Variants in ENPP2 observed in about 807,000 individuals in gnomAD.
ENPP2 encodes autotaxin.
ENPP2 carries 51 observed loss-of-function variants against 120.2 expected under a neutral mutation model. The ratio of observed to expected loss-of-function variants is 0.42; its 90% CI spans 0.34 to 0.54. The LOEUF (loss-of-function observed/expected upper bound fraction) is 0.54, where lower values mean the gene tolerates loss of function less well. Ranked by LOEUF, ENPP2 falls within the 20% of genes least tolerant of loss-of-function variation. The probability of loss-of-function intolerance (pLI) is 0.04; values close to 1 mark genes in which losing one functional copy is unlikely to be tolerated. For missense variants in ENPP2, 920 were observed against 1,066.5 expected (o/e 0.86, Z 1.91); for synonymous variants, 365 against 366.4 (o/e 1.00, Z 0.04).
At chr8:119,567,328 CA>C (rs1814548499) in intron 22 of ENPP2, among the ~76,000 whole-genome samples, 1 of 152,052 alleles carries the variant, frequency 6.6e-6, no homozygotes, top group African/African-American at 2.4e-5. Flanking sequence ...TTAACAGAAA[CA>C]AAAAATGCAG....
rs904655845 is a variant in ENPP2 at position 119,592,791 on chromosome 8, A to AG, written c.1081+960dup. 7.3e-4 allele frequency: 111 copies of AG among 151,590 alleles called. 3 individuals are homozygous for AG. The Admixed American group carries it at 7.6e-3, about 10-fold the overall frequency. 9.4% of individuals were successfully genotyped at this position (151,590 alleles called of 1,614,324 possible). A position where few individuals can be genotyped will look rare whatever the true frequency, so the allele number is the denominator to read the frequency against. ...CATGACTTCGCAAAGGGTTATATCT[A>AG]GCCCACTCAAGAGGAGAAAGCTAAT... On this transcript the variant is annotated intron_variant, in intron 12 of 24. Transcript: ENST00000075322.
chr8:119,568,282 T>C, intron 21 of ENPP2, 30 bp from the exon 22 acceptor site: 1 of 1,281,408 alleles, frequency 7.8e-7, no homozygotes, highest in Non-Finnish European at 1.1e-6. Flanking sequence ...ATAGTATACG[T>C]TGCTTACCAA....
At chr8:119,659,022 C>T (rs368559441) in intron 1 of ENPP2, among the ~76,000 whole-genome samples, 1 of 152,160 alleles carries the variant, frequency 6.6e-6, no homozygotes, top group African/African-American at 2.4e-5. Context: ...GCACCCAAGA[C>T]CAGACTTCTT....
chr8:119,572,346 C>T (rs1815069567), intron 19 of ENPP2: 1 of 910,426 alleles, frequency 1.1e-6, no homozygotes, highest in African/African-American at 1.7e-5. Context: ...AACTCAAATT[C>T]AAGCTTGGCA....
intron 2 of ENPP2, among the ~76,000 whole-genome samples, chr8:119,637,179 T>C (rs1817050909): frequency 6.6e-6 from 1 of 152,148 alleles, no homozygotes; most frequent in Non-Finnish European, 1.5e-5. Flanking sequence ...TCAGTGTTAA[T>C]GGGAGTGAAA....
intron 9 of ENPP2, among the ~76,000 whole-genome samples, chr8:119,606,153 A>G (rs1814704523): frequency 6.6e-6 from 1 of 152,112 alleles, no homozygotes; most frequent in Non-Finnish European, 1.5e-5. Context: ...GTGTGATCCT[A>G]TTTTTTTAAA....
upstream of ENPP2, chr8:119,638,988 C>T (rs1466053682): frequency 4.9e-6 from 3 of 609,952 alleles, no homozygotes; most frequent in Non-Finnish European, 5.8e-6. Context: ...TATCATCCCC[C>T]TTATCCCCGC....
intron 1 of ENPP2, among the ~76,000 whole-genome samples, chr8:119,655,787 G>A (rs967641288): frequency 1.8e-4 from 28 of 152,138 alleles, no homozygotes; most frequent in African/African-American, 6.5e-4. Flanking sequence ...TACCTAGCAC[G>A]GGACAGATTC....
chr8:119,639,730 A>T (rs1817210179), upstream of ENPP2, among the ~76,000 whole-genome samples: 1 of 152,202 alleles, frequency 6.6e-6, no homozygotes, highest in South Asian at 2.1e-4. Flanking sequence ...AATGTCAAGA[A>T]TTGTTTCCCT....
rs189645585 is a variant in ENPP2, at chr8:119,632,278, C to T, written c.137-5558G>A. On this transcript the variant is annotated intron_variant, in intron 2 of 24. Coordinates refer to ENST00000075322, the MANE Select transcript of ENPP2 (RefSeq NM_001040092.3). ...AATTTTTCATCATTACTGAGATGGC[C>T]GTAACAGCGCAGAAAACAACTAAAA... is the stretch of plus-strand genomic sequence containing the variant. 3.3e-5 allele frequency among the ~76,000 whole-genome samples: 5 copies of T among 152,186 alleles called. No homozygotes were observed. The East Asian group carries it at 9.7e-4, about 29-fold the overall frequency.
upstream of ENPP2, among the ~76,000 whole-genome samples, chr8:119,643,385 A>G (rs376684186): frequency 6.6e-6 from 1 of 152,226 alleles, no homozygotes; most frequent in East Asian, 1.9e-4. Context: ...TTTTATGGGT[A>G]GTCTATGGTC....
chr8:119,569,462 CTGAT>C, intron 20 of ENPP2, 92 bp from the exon 21 acceptor site: 1 of 1,186,578 alleles, frequency 8.4e-7, no homozygotes, highest in African/African-American at 1.5e-5. Flanking sequence ...TGCTTGTATT[CTGAT>C]TGATAGTCTG....
intron 9 of ENPP2, among the ~76,000 whole-genome samples, chr8:119,604,685 G>A (rs900109828): frequency 2.0e-5 from 3 of 152,148 alleles, no homozygotes; most frequent in African/African-American, 7.2e-5. Flanking sequence ...TGTTGAAAGA[G>A]AGAATGTGAA....
At chr8:119,626,798 G>A (rs1360369913) in intron 2 of ENPP2, 78 bp from the exon 3 acceptor site, 7 of 1,303,504 alleles carry the variant, frequency 5.4e-6, no homozygotes, top group Non-Finnish European at 6.6e-6. Flanking sequence ...GGGAAGCTGT[G>A]CGGTGTGATG....
At chr8:119,564,982 C>A in intron 22 of ENPP2, 27 bp from the exon 23 acceptor site, 2 of 1,603,744 alleles carry the variant, frequency 1.2e-6, no homozygotes, top group South Asian at 2.2e-5. Flanking sequence ...ATCCAAAAAT[C>A]AATTATTCAT....
intron 19 of ENPP2, among the ~76,000 whole-genome samples, chr8:119,577,251 C>G (rs1407718123): frequency 6.6e-6 from 1 of 152,186 alleles, no homozygotes; most frequent in Non-Finnish European, 1.5e-5. Context: ...TTACAAACTA[C>G]TTTAAAAGCC....
intron 1 of ENPP2, among the ~76,000 whole-genome samples, chr8:119,654,829 C>T (rs1002266973): frequency 6.6e-6 from 1 of 152,186 alleles, no homozygotes; most frequent in African/African-American, 2.4e-5. Flanking sequence ...TATACAACAT[C>T]TAAGCTTCTT....
rs138110458 is a variant in ENPP2, at chr8:119,646,214, C to A, written c.22-7687G>T. 7.8e-3 allele frequency among the ~76,000 whole-genome samples: 1,180 copies of A among 152,146 alleles called. 18 individuals are homozygous for A. The highest frequency in any genetic ancestry group is 0.027 in the African/African-American group (1,117 of 41,496). On this transcript the variant is annotated intron_variant, in intron 1 of 25. Coordinates refer to the ENPP2 transcript ENST00000427067. ...TCGATCTCCTGACCTCGTGATCCAC[C>A]CACCTCGGCCTCCCAAAGTTCTGGG...
chr8:119,641,070 G>A (rs1031165184), upstream of ENPP2, among the ~76,000 whole-genome samples: 2 of 152,056 alleles, frequency 1.3e-5, no homozygotes, highest in African/African-American at 2.4e-5. Flanking sequence ...TCTGTTAACC[G>A]TTCTGCCAAA....
Sources: gnomAD v4.1 joint callset for allele counts (sites outside exome capture counted in the v4.1 genomes callset) on GRCh38, gnomAD v4.1.1 for gene constraint, MANE v1.5 for transcripts, NCBI Gene and HGNC (gene_info 2026-07-23, HGNC 2026-07-21) for gene names.